Variants in LRMDA observed in about 807,000 individuals in gnomAD.
The protein encoded by LRMDA is leucine rich melanocyte differentiation associated, also known as leucine-rich melanocyte differentiation-associated protein.
A neutral mutation model predicts 29.8 loss-of-function variants in LRMDA; 18 were observed. The observed-to-expected ratio is 0.60, with a 90% CI of 0.42 to 0.90. LRMDA has a LOEUF of 0.90. Ranked by LOEUF, LRMDA falls within the 40% of genes least tolerant of loss-of-function variation. LRMDA has a pLI of 0.00. For synonymous variants in LRMDA, 125 were observed against 109.4 expected, an observed-to-expected ratio of 1.14 and a Z score of -0.89; for missense variants, 273 against 273.9, an observed-to-expected ratio of 1.00 and a Z score of 0.02.
intron 2 of LRMDA, among the ~76,000 whole-genome samples, chr10:75,629,391 T>C (rs2132111786): frequency 6.6e-6 from 1 of 152,288 alleles, no homozygotes; most frequent in East Asian, 1.9e-4. Context: ...TAAGAAAGGG[T>C]CCTCAACTTT....
chr10:76,176,911 C>A (rs10458661), intron 5 of LRMDA, among the ~76,000 whole-genome samples: 3 of 152,132 alleles, frequency 2.0e-5, no homozygotes, highest in East Asian at 3.9e-4. Context: ...CACGTAATAC[C>A]TGTTTCTTCC....
At chr10:75,845,365 T>C (rs1844614922) in intron 2 of LRMDA, among the ~76,000 whole-genome samples, 1 of 152,206 alleles carries the variant, frequency 6.6e-6, no homozygotes, top group South Asian at 2.1e-4. Context: ...ATACCAGACA[T>C]ATCAAGTATA....
intron 2 of LRMDA, among the ~76,000 whole-genome samples, chr10:75,979,617 G>A (rs556725230): frequency 7.9e-5 from 12 of 152,242 alleles, no homozygotes; most frequent in East Asian, 5.8e-4. Flanking sequence ...GCTGATAAAC[G>A]CATCTTGTTT....
chr10:76,365,085 CATATAT>C (rs554375602), intron 6 of LRMDA, among the ~76,000 whole-genome samples: 2 of 69,766 alleles, frequency 2.9e-5, no homozygotes, highest in Non-Finnish European at 6.9e-5. Context: ...CACACACACA[CATATAT>C]ATATATATAT....
intron 2 of LRMDA, among the ~76,000 whole-genome samples, chr10:75,536,708 T>G (rs1839954779): frequency 6.6e-6 from 1 of 152,090 alleles, no homozygotes. Context: ...CTTAAATTAG[T>G]AGTAGCTGGG....
intron 2 of LRMDA, among the ~76,000 whole-genome samples, chr10:75,607,353 T>C (rs1026742916): frequency 6.6e-6 from 1 of 152,230 alleles, no homozygotes; most frequent in Non-Finnish European, 1.5e-5. Flanking sequence ...TGAATAAAAT[T>C]GACCTACATG....
intron 5 of LRMDA, among the ~76,000 whole-genome samples, chr10:76,232,980 A>G (rs940954525): frequency 6.6e-6 from 1 of 152,250 alleles, no homozygotes; most frequent in Non-Finnish European, 1.5e-5. Flanking sequence ...AAGGGTAGGT[A>G]TATGTAAAAT....
In LRMDA at chr10:76,120,748, A is replaced by G. The variant is rs1219502530; in HGVS notation, c.516+61965A>G. Reference sequence around the variant, plus strand: ...ATACCAAGGACTTGAATCAAGACCAATAGCTTTATGTGAGTGAGGTAAAAT... The same window carrying G: ...ATACCAAGGACTTGAATCAAGACCAGTAGCTTTATGTGAGTGAGGTAAAAT... On this transcript the variant is annotated intron_variant, in intron 5 of 6. Transcript: ENST00000611255. 2.0e-5 allele frequency among the ~76,000 whole-genome samples: 3 copies of G among 152,146 alleles called. No individual in the cohort carries two copies. In the East Asian group the frequency reaches 5.8e-4, roughly 29 times the overall value.
intron 2 of LRMDA, among the ~76,000 whole-genome samples, chr10:75,603,912 C>T (rs1265635555): frequency 6.6e-6 from 1 of 152,170 alleles, no homozygotes. Flanking sequence ...GATCTTGATA[C>T]CTATCAGCTG....
At chr10:76,075,068 C>G (rs1444020988) in intron 5 of LRMDA, among the ~76,000 whole-genome samples, 1 of 152,194 alleles carries the variant, frequency 6.6e-6, no homozygotes, top group African/African-American at 2.4e-5. Context: ...GCACACATCA[C>G]TTCTGCCCAT....
intron 2 of LRMDA, among the ~76,000 whole-genome samples, chr10:75,805,728 G>A (rs186439343): frequency 3.3e-5 from 5 of 152,324 alleles, no homozygotes; most frequent in African/African-American, 7.2e-5. Flanking sequence ...ACCTCTGTAT[G>A]TGGCACTTTT....
chr10:76,193,599 G>T (rs1040667577), intron 5 of LRMDA, among the ~76,000 whole-genome samples: 2 of 152,154 alleles, frequency 1.3e-5, no homozygotes, highest in African/African-American at 4.8e-5. Flanking sequence ...AAGAGAAGAA[G>T]CTAAGATGAA....
At chr10:75,913,069 C>T (rs1322487775) in intron 2 of LRMDA, among the ~76,000 whole-genome samples, 1 of 152,108 alleles carries the variant, frequency 6.6e-6, no homozygotes, top group Non-Finnish European at 1.5e-5. Flanking sequence ...GTACATGGGC[C>T]TTTCTGGGTC....
chr10:76,314,518 A>G (rs1840668181), intron 5 of LRMDA, among the ~76,000 whole-genome samples: 1 of 152,202 alleles, frequency 6.6e-6, no homozygotes, highest in Non-Finnish European at 1.5e-5. Context: ...GCCAATGTCA[A>G]ACTACAAAGT....
intron 2 of LRMDA, among the ~76,000 whole-genome samples, chr10:75,570,529 C>G (rs1840425962): frequency 6.6e-6 from 1 of 152,134 alleles, no homozygotes; most frequent in Non-Finnish European, 1.5e-5. Context: ...AAGGAACTAT[C>G]ATAAAATTAT....
chr10:75,581,076 A>C (rs1840584696), intron 2 of LRMDA, among the ~76,000 whole-genome samples: 1 of 152,232 alleles, frequency 6.6e-6, no homozygotes, highest in African/African-American at 2.4e-5. Flanking sequence ...AATGGGATCT[A>C]ATTAAACTAA....
At chr10:76,544,569 T>C (rs1246552891) in intron 6 of LRMDA, among the ~76,000 whole-genome samples, 2 of 152,192 alleles carry the variant, frequency 1.3e-5, no homozygotes, top group African/African-American at 4.8e-5. Flanking sequence ...TCTACTATTT[T>C]CCTTGTCTTT....
chr10:75,927,814 A>G (rs1846144514), intron 2 of LRMDA, among the ~76,000 whole-genome samples: 1 of 152,202 alleles, frequency 6.6e-6, no homozygotes, highest in Non-Finnish European at 1.5e-5. Flanking sequence ...TACTGGTTAT[A>G]ATTATGGATT....
intron 5 of LRMDA, among the ~76,000 whole-genome samples, chr10:76,278,196 C>A (rs1162881591): frequency 6.6e-6 from 1 of 152,196 alleles, no homozygotes; most frequent in Non-Finnish European, 1.5e-5. Context: ...CTAGAGTCTT[C>A]TGGCTCCTTC....
Sources: gnomAD v4.1 joint callset for allele counts (sites outside exome capture counted in the v4.1 genomes callset) on GRCh38, gnomAD v4.1.1 for gene constraint, MANE v1.5 for transcripts, NCBI Gene and HGNC (gene_info 2026-07-23, HGNC 2026-07-21) for gene names.